The following ELL3 variants were observed in gnomAD, a reference collection of about 807,000 sequenced individuals.
ELL3 encodes RNA polymerase II elongation factor ELL3.
In ELL3, 48 loss-of-function variants were observed where a neutral mutation model predicts 58.5. The observed-to-expected ratio is 0.82, with a 90% confidence interval of 0.65 to 1.04. ELL3 has a LOEUF of 1.04. Ranked by LOEUF, ELL3 falls within the 50% of genes least tolerant of loss-of-function variation. The pLI, the probability that ELL3 is intolerant of heterozygous loss-of-function variation, is 0.00. For missense variants in ELL3, 458 were observed against 478.4 expected (o/e 0.96, Z 0.40); for synonymous variants, 174 against 173.2 (o/e 1.00, Z -0.04).
chr15:43,775,286 C>T lies in ELL3; in HGVS notation c.645+20G>A, dbSNP rs1279582181. 2 of 1,575,966 alleles carry T rather than the reference C, an allele frequency of 1.3e-6. No individual in the cohort carries two copies. The highest frequency in any genetic ancestry group is 1.7e-6 in the Non-Finnish European group (2 of 1,162,120). ...TTATATTAATGTTACAAAAAAAAAG[C>T]CCTTGCCATTCTAACTTACCTTGTC... On this transcript the variant is annotated intron_variant, in intron 6 of 10. Coordinates refer to ENST00000319359, the MANE Select transcript of ELL3 (RefSeq NM_025165.3).
At chr15:43,773,834 T>C (rs769323632) in intron 9 of ELL3, among the ~76,000 whole-genome samples, 4 of 151,592 alleles carry the variant, frequency 2.6e-5, no homozygotes, top group Non-Finnish European at 5.9e-5. Flanking sequence ...AAACCCTGTC[T>C]CTACTAAAAA....
At position 43,776,053 on chromosome 15, in the gene ELL3, G is replaced by A; in HGVS notation, c.267C>T (p.Cys89=). The A allele has an allele frequency of 6.2e-7, 1 of 1,614,030 alleles. No individual in the cohort carries two copies. The highest frequency in any genetic ancestry group is 8.5e-7 in the Non-Finnish European group (1 of 1,180,000). The part of the protein sequence containing the change: ...EGAGGSLDLV[C]QRFLRSGPNS... ...TTCCCCCTCACCTGAGGAAGCGTTG[G>A]CACACAAGGTCCAAGCTACCACCAG... The change falls in exon 3 of 11, where the codon TGC becomes TGT. Residue 89 remains cysteine, a synonymous_variant. Coordinates refer to ENST00000319359, the MANE Select transcript of ELL3 (RefSeq NM_025165.3).
rs771558827 is a variant in ELL3, at chr15:43,775,737, C to T, written c.468G>A (p.Gln156=). The T allele has an allele frequency of 6.2e-7, 1 of 1,614,188 alleles. No homozygotes were observed. The highest frequency in any genetic ancestry group is 1.1e-5 in the South Asian group (1 of 91,088). ...CCTCACCCACCTCCTCTAGTGCCAT[C>T]TGTGGCTGTGATACTGCATCTCCTT... ...YSEGDAVSQP[Q]MALEEVSVSD... is the part of the protein sequence containing the mutation. Residue 156 remains glutamine, a synonymous_variant, in exon 4 of 11, where the codon CAG becomes CAA. Coordinates refer to ENST00000319359, the MANE Select transcript of ELL3 (RefSeq NM_025165.3).
chr15:43,773,701 G>GA (rs980228007), intron 9 of ELL3, among the ~76,000 whole-genome samples: 20 of 136,558 alleles, frequency 1.5e-4, no homozygotes, highest in African/African-American at 1.9e-4. Context: ...GTCTCAAAAA[G>GA]AAAAAAAAAA....
chr15:43,775,430 G>A, intron 5 of ELL3, 49 bp from the exon 6 acceptor site: 1 of 1,606,378 alleles, frequency 6.2e-7, no homozygotes, highest in Non-Finnish European at 8.5e-7. Flanking sequence ...GGTAGGAGGT[G>A]GAACTGGATC....
chr15:43,776,607 G>A, intron 1 of ELL3, 63 bp from the exon 2 acceptor site: 1 of 1,552,126 alleles, frequency 6.4e-7, no homozygotes, highest in Non-Finnish European at 8.7e-7. Flanking sequence ...AGGATCCGGC[G>A]TCCGGAGCCC....
intron 9 of ELL3, among the ~76,000 whole-genome samples, chr15:43,773,623 G>C (rs965009161): frequency 6.6e-6 from 1 of 151,836 alleles, no homozygotes; most frequent in African/African-American, 2.4e-5. Context: ...GCGTGAACCC[G>C]GGAGGCGGAG....
At position 43,775,604 on chromosome 15, in the gene ELL3, C is replaced by G; in HGVS notation, c.490G>C (p.Val164Leu). The change falls in exon 5 of 11, where the codon GTG becomes CTG. Residue 164 changes from valine (V) to leucine (L), a missense_variant. Coordinates refer to ENST00000319359, the MANE Select transcript of ELL3 (RefSeq NM_025165.3). Reference sequence around the variant, plus strand: ...TGGTTGCTTGCCAGTGGATCTGACACTGACACCTGGTGGGGAAAGTGGCAG... The same window carrying G: ...TGGTTGCTTGCCAGTGGATCTGACAGTGACACCTGGTGGGGAAAGTGGCAG... Reference protein sequence around the residue: ...QPQMALEEVSVSDPLASNQGQ... With the variant: ...QPQMALEEVSLSDPLASNQGQ... 1 of 1,614,222 alleles carries G rather than the reference C, an allele frequency of 6.2e-7. No homozygotes were observed. The highest frequency in any genetic ancestry group is 1.1e-5 in the South Asian group (1 of 91,092).
At chr15:43,775,253 C>A in intron 6 of ELL3, 53 bp downstream of exon 6, 2 of 1,504,188 alleles carry the variant, frequency 1.3e-6, no homozygotes, top group Admixed American at 2.2e-5. Flanking sequence ...GTCTTTGCCA[C>A]TGTTTAATTA....
Position 43,776,274 on chromosome 15 carries a change from A to G in ELL3, c.169-123T>C, listed in dbSNP as rs966409580. ...CGGGTCCCACAGGGCTTGTTAGCAC[A>G]CCAGGTGCAGCTGGGCCTGAGTTCC... On this transcript the variant is annotated intron_variant, in intron 2 of 10. Transcript: ENST00000319359. 3.6e-6 allele frequency: 4 copies of G among 1,108,252 alleles called. No individual in the cohort carries two copies. The Admixed American group carries it at 6.1e-5, about 17-fold the overall frequency. 68.7% of individuals were successfully genotyped at this position (1,108,252 alleles called of 1,614,324 possible).
intron 6 of ELL3, among the ~76,000 whole-genome samples, 169 bp from the exon 7 acceptor site, chr15:43,774,942 G>C (rs907140843): frequency 1.3e-5 from 2 of 151,990 alleles, no homozygotes; most frequent in African/African-American, 4.8e-5. Context: ...AGACTAGTCT[G>C]GGTAACATAG....
At chr15:43,776,250 G>A (rs1287549112) in intron 2 of ELL3, 99 bp from the exon 3 acceptor site, 17 of 1,196,808 alleles carry the variant, frequency 1.4e-5, no homozygotes, top group Non-Finnish European at 1.9e-5. Flanking sequence ...AGACTAAGAC[G>A]GGTCCCACAG....
chr15:43,776,903 G>A lies in ELL3; in HGVS notation c.-2C>T. The A allele has an allele frequency of 6.2e-7, 1 of 1,610,220 alleles. No homozygotes were observed. The highest frequency in any genetic ancestry group is 1.1e-5 in the South Asian group (1 of 90,904). On this transcript the variant is annotated 5_prime_UTR_variant, in exon 1 of 11. Transcript: ENST00000319359. ...CAGAGGCTCCTGGAGCTCCTCCATG[G>A]CGACGAGTTCGAGTGCAAGCAGCAC...
rs757191401 is a variant in ELL3 at position 43,775,580 on chromosome 15, G to T, written c.514C>A (p.Gln172Lys). 1 of 1,614,192 alleles carries T rather than the reference G, an allele frequency of 6.2e-7. No homozygotes were observed. Among genetic ancestry groups the T allele is most frequent in the Non-Finnish European group, 8.5e-7 (1 of 1,180,032 alleles). ...GAGGATCCTGGGAGTGACTGTCCTTGGTTGCTTGCCAGTGGATCTGACACT... is the reference window on the plus strand; with the variant it reads ...GAGGATCCTGGGAGTGACTGTCCTTTGTTGCTTGCCAGTGGATCTGACACT... The part of the protein sequence containing the change: ...VSVSDPLASN[Q>K]GQSLPGSSRE... Residue 172 changes from glutamine to lysine, a missense_variant, in exon 5 of 11, where the codon CAA becomes AAA. Physicochemically the swap from Gln to Lys is moderately conservative, Grantham distance 53 (BLOSUM62 1). Coordinates refer to ENST00000319359, the MANE Select transcript of ELL3 (RefSeq NM_025165.3).
chr15:43,775,274 A>C (rs1297318702), intron 6 of ELL3, 32 bp downstream of exon 6: 1 of 1,552,812 alleles, frequency 6.4e-7, no homozygotes, highest in Non-Finnish European at 8.7e-7. Context: ...TATTAATGTT[A>C]CAAAAAAAAA....
chr15:43,776,795 G>A lies in ELL3; in HGVS notation c.107C>T (p.Ala36Val). The change falls in exon 1 of 11, where the codon GCG (alanine) becomes GTG (valine). Residue 36 changes from alanine (A) to valine (V), a missense_variant. By Grantham distance (64) the Ala-to-Val change is moderately conservative. Coordinates refer to ENST00000319359, the MANE Select transcript of ELL3 (RefSeq NM_025165.3). ...CTGTTGCCGCTGACACTCTTGCAGC[G>A]CCCGCAGGGCAGCGTCGTTGAGCCT... is the stretch of plus-strand genomic sequence containing the variant. ...LLRLNDAALR[A>V]LQECQRQQVR... 1 of 1,609,396 alleles carries A rather than the reference G, an allele frequency of 6.2e-7. No homozygotes were observed. The highest frequency in any genetic ancestry group is 8.5e-7 in the Non-Finnish European group (1 of 1,177,252).
At chr15:43,776,678 C>T in intron 1 of ELL3, 92 bp downstream of exon 1, 3 of 1,548,850 alleles carry the variant, frequency 1.9e-6, no homozygotes, top group Admixed American at 1.9e-5. Context: ...TTGCGGAAGC[C>T]GCTCCCTCTC....
intron 9 of ELL3, 51 bp from the exon 10 acceptor site, chr15:43,773,399 G>A (rs1363492210): frequency 6.2e-7 from 1 of 1,605,686 alleles, no homozygotes; most frequent in Non-Finnish European, 8.5e-7. Flanking sequence ...ATGAGAGAGG[G>A]GCGGCCAGGC....
rs2277531 is a variant in ELL3 at position 43,776,871 on chromosome 15, G to C, written c.31C>G (p.Gln11Glu). ...GCTTGCGTGAAGCAGAGCCGGAGCT[G>C]TCCTCTCAGAGGCTCCTGGAGCTCC... MEELQEPLRG[Q>E]LRLCFTQAAR... The change falls in exon 1 of 11, where the codon CAG becomes GAG. Residue 11 changes from glutamine to glutamate, a missense_variant. Coordinates refer to ENST00000319359, the MANE Select transcript of ELL3 (RefSeq NM_025165.3). 0.11 allele frequency: 184,176 copies of C among 1,611,164 alleles called. 13,166 individuals carry two copies. Among genetic ancestry groups the C allele is most frequent in the African/African-American group, 0.3 (22,346 of 74,998 alleles).
Sources: gnomAD v4.1 joint callset for allele counts (sites outside exome capture counted in the v4.1 genomes callset) on GRCh38, gnomAD v4.1.1 for gene constraint, MANE v1.5 for transcripts, NCBI Gene and HGNC (gene_info 2026-07-23, HGNC 2026-07-21) for gene names.